Variants in MGAT4C observed in about 807,000 individuals in gnomAD.
The protein encoded by MGAT4C is alpha-1,3-mannosyl-glycoprotein 4-beta-N-acetylglucosaminyltransferase C.
Under a neutral mutation model 40.1 loss-of-function variants are expected in MGAT4C, and 19 were observed. That is an observed-to-expected ratio of 0.47 (90% CI 0.33 to 0.70). The LOEUF (loss-of-function observed/expected upper bound fraction) is 0.70. Among genes scored for constraint, MGAT4C ranks in the 30% least tolerant of loss-of-function variants. The pLI is 0.02. For missense variants in MGAT4C, 491 were observed against 563.2 expected, an observed-to-expected ratio of 0.87 and a Z score of 1.30; for synonymous variants, 181 against 187.1, an observed-to-expected ratio of 0.97 and a Z score of 0.27.
chr12:86,356,140 A>C (rs1020287364), intron 3 of MGAT4C, among the ~76,000 whole-genome samples: 7 of 152,182 alleles, frequency 4.6e-5, no homozygotes, highest in Admixed American at 1.3e-4. Flanking sequence ...ATGTAGATGA[A>C]AGTCAAAAAA....
chr12:86,276,308 A>G (rs1647041340), intron 4 of MGAT4C, among the ~76,000 whole-genome samples: 1 of 152,164 alleles, frequency 6.6e-6, no homozygotes, highest in South Asian at 2.1e-4. Flanking sequence ...TATGGTGTCT[A>G]TATTTAACGA....
In MGAT4C at chr12:86,054,666, T is replaced by C. The variant is rs1283276961; in HGVS notation, c.-56-4943A>G. Among the ~76,000 whole-genome samples the C allele has an allele frequency of 2.6e-5, 4 of 152,046 alleles. No homozygotes were observed. The South Asian group carries it at 6.2e-4, about 24-fold the overall frequency. On this transcript the variant is annotated intron_variant, in intron 1 of 4. Transcript: ENST00000611864. ...TTTTAAAACATCATGTTTTACAAGATAAATATATCCATCATTTATTTATCA... is the reference window on the plus strand; with the variant it reads ...TTTTAAAACATCATGTTTTACAAGACAAATATATCCATCATTTATTTATCA...
chr12:86,241,474 T>A (rs1046825659), intron 1 of MGAT4C, among the ~76,000 whole-genome samples: 4 of 152,198 alleles, frequency 2.6e-5, no homozygotes, highest in African/African-American at 9.6e-5. Flanking sequence ...TACGGGCTCA[T>A]AAATTTTATT....
rs1855103849 is a variant in MGAT4C, at chr12:85,972,115, T to C, written c.*7174A>G. The C allele has an allele frequency of 6.6e-6, 1 of 151,084 alleles. No individual in the cohort carries two copies. The highest frequency in any genetic ancestry group is 2.4e-5 in the African/African-American group (1 of 41,338). The allele number at this position is 151,084 out of a possible 1,614,324, so 9.4% of individuals were successfully genotyped here. On this transcript the variant is annotated 3_prime_UTR_variant, in exon 5 of 5. Coordinates refer to ENST00000611864, the MANE Select transcript of MGAT4C (RefSeq NM_001351288.2). ...AATCTTCTTGACAATTTGTGACAAA[T>C]TTTCTAAATGTTTTTCCAAAAATAG...
At chr12:86,798,699 A>G (rs892616918) in intron 1 of MGAT4C, among the ~76,000 whole-genome samples, 1 of 151,868 alleles carries the variant, frequency 6.6e-6, no homozygotes, top group Admixed American at 6.6e-5. Flanking sequence ...CATTGTAATA[A>G]TGCTTGAATG....
At chr12:86,502,668 T>C (rs1043410184) in intron 2 of MGAT4C, among the ~76,000 whole-genome samples, 2 of 147,178 alleles carry the variant, frequency 1.4e-5, no homozygotes, top group Non-Finnish European at 3.0e-5. Context: ...TCTGCTCATA[T>C]ATATACACGA....
At chr12:86,569,145 C>T (rs1960261243) in intron 2 of MGAT4C, among the ~76,000 whole-genome samples, 1 of 151,902 alleles carries the variant, frequency 6.6e-6, no homozygotes, top group African/African-American at 2.4e-5. Context: ...ATGACTAAGA[C>T]ATCAGATTCA....
At chr12:86,559,047 T>C (rs993057862) in intron 2 of MGAT4C, among the ~76,000 whole-genome samples, 4 of 151,786 alleles carry the variant, frequency 2.6e-5, no homozygotes, top group Non-Finnish European at 4.4e-5. Flanking sequence ...TACCTATATT[T>C]GTGTCAGACA....
At chr12:86,509,577 G>GT (rs1416316771) in intron 2 of MGAT4C, among the ~76,000 whole-genome samples, 9 of 152,210 alleles carry the variant, frequency 5.9e-5, no homozygotes, top group East Asian at 1.9e-4. Flanking sequence ...CTTTAAAGTA[G>GT]TTTTTTCCAA....
intron 1 of MGAT4C, among the ~76,000 whole-genome samples, chr12:86,203,945 G>A (rs1471556211): frequency 1.6e-5 from 2 of 124,222 alleles, no homozygotes; most frequent in Non-Finnish European, 3.4e-5. Flanking sequence ...CAACGAGAGC[G>A]AAACTTCGTC....
intron 3 of MGAT4C, among the ~76,000 whole-genome samples, chr12:86,431,267 A>C (rs1020489328): frequency 2.0e-5 from 3 of 152,112 alleles, no homozygotes; most frequent in Non-Finnish European, 4.4e-5. Flanking sequence ...CACTCTTGTC[A>C]CTGTGGTCTC....
chr12:86,447,923 C>T (rs1384029546), intron 2 of MGAT4C, among the ~76,000 whole-genome samples: 1 of 152,152 alleles, frequency 6.6e-6, no homozygotes, highest in Non-Finnish European at 1.5e-5. Flanking sequence ...CTGAGCTTCC[C>T]ATGCCCTGCC....
intron 2 of MGAT4C, among the ~76,000 whole-genome samples, chr12:86,020,813 A>G (rs1189458574): frequency 1.3e-5 from 2 of 152,144 alleles, no homozygotes; most frequent in Non-Finnish European, 2.9e-5. Flanking sequence ...TACAGAATGG[A>G]AGAAAATTTT....
At chr12:86,514,633 G>A (rs1958652193) in intron 2 of MGAT4C, among the ~76,000 whole-genome samples, 1 of 152,112 alleles carries the variant, frequency 6.6e-6, no homozygotes, top group Admixed American at 6.5e-5. Flanking sequence ...TTCTCTTCCA[G>A]ATAAAAGAAC....
chr12:86,493,092 A>G (rs1200258190), intron 2 of MGAT4C, among the ~76,000 whole-genome samples: 3 of 150,828 alleles, frequency 2.0e-5, no homozygotes, highest in African/African-American at 7.5e-5. Context: ...CAAAACCACA[A>G]TGAGATACCA....
chr12:86,407,298 T>C lies in MGAT4C; in HGVS notation c.-120+27859A>G, dbSNP rs116737627. 6.3e-3 allele frequency among the ~76,000 whole-genome samples: 956 copies of C among 152,208 alleles called. 8 individuals are homozygous for C. The highest frequency in any genetic ancestry group is 0.022 in the African/African-American group (922 of 41,548). ...CCTTATCAACACTGTTTTCACAGAA[T>C]ATATAATCAAGCATCTTTGCTCAGT... On this transcript the variant is annotated intron_variant, in intron 3 of 7. Transcript: ENST00000548651.
chr12:86,545,651 C>T (rs1959189301), intron 2 of MGAT4C, among the ~76,000 whole-genome samples: 1 of 151,598 alleles, frequency 6.6e-6, no homozygotes, highest in Admixed American at 6.6e-5. Context: ...GTGCTTTTTT[C>T]TCTCAAGCAA....
intron 1 of MGAT4C, among the ~76,000 whole-genome samples, chr12:86,822,357 T>A (rs1246602385): frequency 6.6e-6 from 1 of 151,126 alleles, no homozygotes; most frequent in Non-Finnish European, 1.5e-5. Context: ...CCTTACTAAG[T>A]TATTTTGAAT....
rs550277522 is a variant in MGAT4C, at chr12:86,073,590, G to A, written c.-56-23867C>T. ...AGTTCAGGTTGAGGTAGTCTCAGAC[G>A]GAGATCAGAAATTTGGGAACTGGAG... On this transcript the variant is annotated intron_variant, in intron 1 of 4. Transcript: ENST00000611864. Among the ~76,000 whole-genome samples the A allele has an allele frequency of 7.9e-5, 12 of 152,166 alleles. No individual in the cohort carries two copies. In the South Asian group the frequency reaches 1.7e-3, roughly 21 times the overall value.
Sources: gnomAD v4.1 joint callset for allele counts (sites outside exome capture counted in the v4.1 genomes callset) on GRCh38, gnomAD v4.1.1 for gene constraint, MANE v1.5 for transcripts, NCBI Gene and HGNC (gene_info 2026-07-23, HGNC 2026-07-21) for gene names.